The following PDS5A variants were observed in gnomAD, a reference collection of about 807,000 sequenced individuals.
PDS5A encodes the protein PDS5 cohesin associated factor A, also known as sister chromatid cohesion protein PDS5 homolog A.
A neutral mutation model predicts 167.1 loss-of-function variants in PDS5A; 42 were observed. That is an observed-to-expected ratio of 0.25 (90% CI 0.20 to 0.33). PDS5A has a LOEUF of 0.33. Among genes scored for constraint, PDS5A ranks in the 10% least tolerant of loss-of-function variants. The pLI is 1.00. For missense variants in PDS5A, 1,033 were observed against 1,605.9 expected, an observed-to-expected ratio of 0.64 and a Z score of 6.10; for synonymous variants, 553 against 554.6, an observed-to-expected ratio of 1.00 and a Z score of 0.04.
chr4:39,847,536 G>T (rs1717717156), intron 28 of PDS5A: 1 of 151,950 alleles, frequency 6.6e-6, no homozygotes, highest in South Asian at 2.1e-4. Flanking sequence ...CCAGGGAGTT[G>T]GAGGCTGCAG....
intron 26 of PDS5A, among the ~76,000 whole-genome samples, chr4:39,861,490 G>A (rs1718999612): frequency 6.6e-6 from 1 of 152,096 alleles, no homozygotes; most frequent in South Asian, 2.1e-4. Flanking sequence ...ACTGGTTAAT[G>A]GGTACAAAAA....
At chr4:39,901,366 C>G (rs1361825211) in intron 13 of PDS5A, among the ~76,000 whole-genome samples, 2 of 146,518 alleles carry the variant, frequency 1.4e-5, no homozygotes, top group African/African-American at 5.1e-5. Flanking sequence ...CTCCTGGGTT[C>G]AAGCAATTCT....
intron 2 of PDS5A, among the ~76,000 whole-genome samples, chr4:39,972,895 AT>A (rs1357810438): frequency 6.8e-6 from 1 of 147,514 alleles, no homozygotes; most frequent in Non-Finnish European, 1.5e-5. Flanking sequence ...TTTATATTTT[AT>A]TATTTTTTGT....
intron 2 of PDS5A, among the ~76,000 whole-genome samples, chr4:39,971,180 ACAGAGTC>A (rs1730500105): frequency 6.7e-6 from 1 of 149,950 alleles, no homozygotes; most frequent in Non-Finnish European, 1.5e-5. Flanking sequence ...TGTTTTCGAG[ACAGAGTC>A]GCGCTTTGTC....
At chr4:39,902,489 T>A in intron 12 of PDS5A, 29 bp from the exon 13 acceptor site, 20 of 1,022,756 alleles carry the variant, frequency 2.0e-5, no homozygotes, top group Non-Finnish European at 2.7e-5. Flanking sequence ...AAAAAAAACC[T>A]AAGTGACACA....
At chr4:39,827,041 G>T (rs1223425340) in intron 32 of PDS5A, among the ~76,000 whole-genome samples, 1 of 149,966 alleles carries the variant, frequency 6.7e-6, no homozygotes, top group African/African-American at 2.5e-5. Flanking sequence ...TTGCTCTGTT[G>T]CCCAGGCTGG....
chr4:39,878,612 A>C (rs772090706), intron 18 of PDS5A, among the ~76,000 whole-genome samples: 50 of 152,290 alleles, frequency 3.3e-4, no homozygotes, highest in African/African-American at 8.7e-4. Flanking sequence ...AACAAACAAA[A>C]AAAAGCAATC....
chr4:39,863,497 A>G, intron 23 of PDS5A, 38 bp from the exon 24 acceptor site: 2 of 1,476,700 alleles, frequency 1.4e-6, no homozygotes, highest in Non-Finnish European at 1.9e-6. Context: ...ATTTCCTATA[A>G]CCACTATCAT....
At chr4:39,924,778 T>C (rs909402574) in intron 5 of PDS5A, among the ~76,000 whole-genome samples, 11 of 152,190 alleles carry the variant, frequency 7.2e-5, no homozygotes, top group African/African-American at 2.4e-4. Flanking sequence ...AATGTAATGC[T>C]CTAGAACACT....
chr4:39,853,520 C>T (rs62307934), intron 26 of PDS5A, among the ~76,000 whole-genome samples: 29,113 of 152,136 alleles, frequency 0.19, 3,296 homozygotes, highest in South Asian at 0.26. Context: ...GTAGACTCTG[C>T]TCCTATATCA....
At chr4:39,957,786 C>CAAA (rs34253629) in intron 2 of PDS5A, among the ~76,000 whole-genome samples, 4 of 87,784 alleles carry the variant, frequency 4.6e-5, no homozygotes, top group East Asian at 3.3e-4. Flanking sequence ...GACTCCATCT[C>CAAA]AAAAAAAAAA....
intron 24 of PDS5A, 68 bp from the exon 25 acceptor site, chr4:39,863,141 TTTAG>T: frequency 8.2e-7 from 1 of 1,221,496 alleles, no homozygotes; most frequent in Non-Finnish European, 1.2e-6. Flanking sequence ...TTTAAGTATT[TTTAG>T]TGTCTTCAAT....
chr4:39,904,045 G>T lies in PDS5A; in HGVS notation c.1380C>A (p.Asp460Glu). Reference sequence around the variant, plus strand: ...TACCAACATATTAAACTCACTTGTCGTCAATGCTGTTCTGATAATAAATAT... The same window carrying T: ...TACCAACATATTAAACTCACTTGTCTTCAATGCTGTTCTGATAATAAATAT... ...LLHIYYQNSI[D>E]DKLLVEKIFA... The change falls in exon 12 of 33, where the codon GAC (aspartate) becomes GAA (glutamate). Residue 460 changes from aspartate to glutamate, a missense_variant. Transcript: ENST00000303538. 1 of 1,588,740 alleles carries T rather than the reference G, an allele frequency of 6.3e-7. No individual in the cohort carries two copies. The highest frequency in any genetic ancestry group is 8.6e-7 in the Non-Finnish European group (1 of 1,166,730).
At chr4:39,880,391 C>T (rs1429073650) in intron 17 of PDS5A, among the ~76,000 whole-genome samples, 2 of 151,998 alleles carry the variant, frequency 1.3e-5, no homozygotes, top group Non-Finnish European at 2.9e-5. Flanking sequence ...TTTCAAAATA[C>T]CTACCACCAG....
Position 39,845,897 on chromosome 4 carries a change from A to C in PDS5A, c.3340-17T>G. ...ACAGAAGTCCTATTAAAAAAAAAAA[A>C]GAAAAAGAAAAAAGAAACACCAATC... is the stretch of plus-strand genomic sequence containing the variant. On this transcript the variant is annotated splice_polypyrimidine_tract_variant and intron_variant, in intron 28 of 32. Coordinates refer to ENST00000303538, the MANE Select transcript of PDS5A (RefSeq NM_001100399.2). 7.5e-7 allele frequency: 1 copy of C among 1,327,326 alleles called. No individual in the cohort carries two copies. The highest frequency in any genetic ancestry group is 1.5e-5 in the African/African-American group (1 of 64,742). The allele number at this position is 1,327,326 out of a possible 1,614,324, so 82.2% of individuals were successfully genotyped here. A position where few individuals can be genotyped will look rare whatever the true frequency, so the allele number is the denominator to read the frequency against.
chr4:39,974,173 A>T (rs1730853251), intron 2 of PDS5A: 14 of 575,420 alleles, frequency 2.4e-5, no homozygotes, highest in South Asian at 1.8e-4. Flanking sequence ...AAACTGCTCT[A>T]CTGAGACCAA....
chr4:39,937,030 CT>C (rs2109758020), intron 2 of PDS5A, among the ~76,000 whole-genome samples: 1 of 152,282 alleles, frequency 6.6e-6, no homozygotes, highest in East Asian at 1.9e-4. Flanking sequence ...ACATGTAATC[CT>C]CCCAGCATAT....
Position 39,849,527 on chromosome 4 carries a change from G to A in PDS5A, c.3212C>T (p.Thr1071Ile). 6.3e-7 allele frequency: 1 copy of A among 1,577,882 alleles called. No individual in the cohort carries two copies. The highest frequency in any genetic ancestry group is 1.4e-5 in the African/African-American group (1 of 72,648). ...RDAQSPDESK[T>I]NEKLYTVCDV... ...GCCTAACACTCATCTTACTTCATTT[G>A]TCTTGGATTCATCTGGAGACTGGGC... is the stretch of plus-strand genomic sequence containing the variant. The change falls in exon 27 of 33, where the codon ACA (threonine) becomes ATA (isoleucine). Residue 1071 changes from threonine (T) to isoleucine (I), a missense_variant. Transcript: ENST00000303538.
chr4:39,899,225 C>T (rs2109646162), intron 14 of PDS5A, among the ~76,000 whole-genome samples: 1 of 152,060 alleles, frequency 6.6e-6, no homozygotes, highest in African/African-American at 2.4e-5. Context: ...ACTTTTTTTT[C>T]TGCAATAGAG....
Sources: allele counts gnomAD v4.1 joint callset (sites outside exome capture counted in the v4.1 genomes callset), GRCh38; gene constraint gnomAD v4.1.1; transcripts MANE v1.5; gene names NCBI Gene and HGNC (gene_info 2026-07-23, HGNC 2026-07-21).